Variants in DOCK1 observed in about 807,000 individuals in gnomAD.
The protein encoded by DOCK1 is dedicator of cytokinesis protein 1.
In DOCK1, 138 loss-of-function variants were observed where a neutral mutation model predicts 262.7. That is an observed-to-expected ratio of 0.53 (90% CI 0.46 to 0.61). The LOEUF is 0.61. DOCK1 is among the 20% of genes least tolerant of loss of function. The pLI is 0.00. For missense variants in DOCK1, 1,908 were observed against 2,370.7 expected, an observed-to-expected ratio of 0.80 and a Z score of 4.05; for synonymous variants, 866 against 867.4, an observed-to-expected ratio of 1.00 and a Z score of 0.03.
chr10:127,247,064 T>C (rs773321988), intron 27 of DOCK1, among the ~76,000 whole-genome samples: 3 of 152,154 alleles, frequency 2.0e-5, no homozygotes, highest in Non-Finnish European at 2.9e-5. Context: ...CAATTGCAGT[T>C]AATGGCAACA....
intron 1 of DOCK1, among the ~76,000 whole-genome samples, chr10:126,961,656 G>A (rs982549672): frequency 1.3e-5 from 2 of 152,244 alleles, no homozygotes; most frequent in East Asian, 1.9e-4. Flanking sequence ...AGGTTCACCC[G>A]TGTTGTAATG....
chr10:127,320,578 C>T (rs1212171106), intron 29 of DOCK1, among the ~76,000 whole-genome samples: 2 of 152,186 alleles, frequency 1.3e-5, no homozygotes, highest in Non-Finnish European at 2.9e-5. Context: ...GGGCTCAAGG[C>T]GGATGGAGTG....
chr10:126,929,597 G>A (rs2034030556), intron 1 of DOCK1, among the ~76,000 whole-genome samples: 2 of 152,026 alleles, frequency 1.3e-5, no homozygotes, highest in African/African-American at 2.4e-5. Flanking sequence ...CCTGAGGGAG[G>A]CGCTACCTGG....
intron 1 of DOCK1, among the ~76,000 whole-genome samples, chr10:126,953,612 G>T (rs953252709): frequency 6.6e-6 from 1 of 152,196 alleles, no homozygotes; most frequent in Admixed American, 6.5e-5. Context: ...CATCAGTGGA[G>T]CTCCCATTTT....
At chr10:126,963,656 T>TTCCC (rs1380259420) in intron 1 of DOCK1, among the ~76,000 whole-genome samples, 6 of 86,488 alleles carry the variant, frequency 6.9e-5, no homozygotes, top group South Asian at 1.1e-3. Context: ...CCTTCCTTCC[T>TTCCC]TCCTTCCTTC....
At chr10:127,060,470 G>A (rs541936218) in intron 22 of DOCK1, among the ~76,000 whole-genome samples, 3 of 152,262 alleles carry the variant, frequency 2.0e-5, no homozygotes, top group African/African-American at 7.2e-5. Context: ...ACTACCTCTA[G>A]GGTAATTAAT....
intron 1 of DOCK1, among the ~76,000 whole-genome samples, chr10:126,970,003 T>A (rs563650553): frequency 6.6e-6 from 1 of 152,262 alleles, no homozygotes; most frequent in Admixed American, 6.5e-5. Context: ...TATATTTTTT[T>A]AAATTGAGAG....
intron 21 of DOCK1, among the ~76,000 whole-genome samples, chr10:127,048,009 G>A (rs1241990775): frequency 1.3e-5 from 2 of 152,138 alleles, no homozygotes; most frequent in African/African-American, 4.8e-5. Context: ...GTTTGTTTTT[G>A]TTTCCCTTGG....
chr10:126,964,624 C>T (rs892682918), intron 1 of DOCK1, among the ~76,000 whole-genome samples: 36 of 152,326 alleles, frequency 2.4e-4, no homozygotes, highest in Admixed American at 8.5e-4. Flanking sequence ...AATTAATTAA[C>T]GTTTAAGTTG....
intron 23 of DOCK1, among the ~76,000 whole-genome samples, chr10:127,086,503 A>G (rs533203103): frequency 3.9e-5 from 6 of 152,362 alleles, no homozygotes; most frequent in African/African-American, 1.2e-4. Flanking sequence ...TGGCATGAAC[A>G]TAATTATTGG....
At chr10:127,371,013 A>G (rs1390910617) in intron 33 of DOCK1, among the ~76,000 whole-genome samples, 4 of 152,254 alleles carry the variant, frequency 2.6e-5, no homozygotes, top group Admixed American at 1.3e-4. Flanking sequence ...TCCCAGCCAT[A>G]GAGAACCTTG....
intron 1 of DOCK1, among the ~76,000 whole-genome samples, chr10:126,932,948 T>C (rs2034295370): frequency 6.6e-6 from 1 of 152,116 alleles, no homozygotes; most frequent in East Asian, 1.9e-4. Flanking sequence ...CTCGTATATG[T>C]GTCCTTCAGT....
intron 27 of DOCK1, among the ~76,000 whole-genome samples, chr10:127,229,532 A>T (rs910663129): frequency 6.6e-6 from 1 of 152,114 alleles, no homozygotes; most frequent in Non-Finnish European, 1.5e-5. Flanking sequence ...AATGCCCTCC[A>T]GGTCCATCTA....
At chr10:126,994,842 C>G (rs986562275) in intron 6 of DOCK1, among the ~76,000 whole-genome samples, 1 of 152,250 alleles carries the variant, frequency 6.6e-6, no homozygotes, top group Non-Finnish European at 1.5e-5. Context: ...CGTACACCTC[C>G]CAGACGGGGT....
chr10:127,316,894 A>G (rs12767480), intron 29 of DOCK1, among the ~76,000 whole-genome samples: 4 of 151,630 alleles, frequency 2.6e-5, no homozygotes, highest in Non-Finnish European at 2.9e-5. Flanking sequence ...AAGAACAAAC[A>G]CCCCCTCTCC....
At chr10:127,436,520 G>GA (rs1428732298) in intron 48 of DOCK1, among the ~76,000 whole-genome samples, 2 of 151,906 alleles carry the variant, frequency 1.3e-5, no homozygotes, top group Non-Finnish European at 2.9e-5. Flanking sequence ...CTCTGTTTCA[G>GA]AAAAAAAGAA....
At position 127,037,718 on chromosome 10, in the gene DOCK1, G is replaced by C; in HGVS notation, c.1913-1G>C. On this transcript the variant is annotated splice_acceptor_variant, in intron 18 of 51. Coordinates refer to ENST00000623213, the MANE Select transcript of DOCK1 (RefSeq NM_001290223.2). LOFTEE classifies it high-confidence loss of function. ...ATCTGATTGTCATTTTCTGTTTCCA[G>C]TGGACCTTCTGGGGCTCTTGAAATG... is the stretch of plus-strand genomic sequence containing the variant. 6.3e-7 allele frequency: 1 copy of C among 1,582,936 alleles called. No homozygotes were observed. The highest frequency in any genetic ancestry group is 8.6e-7 in the Non-Finnish European group (1 of 1,164,380).
At chr10:127,362,881 AT>A (rs2064599237) in intron 33 of DOCK1, among the ~76,000 whole-genome samples, 1 of 133,582 alleles carries the variant, frequency 7.5e-6, no homozygotes. Flanking sequence ...ACACATACAC[AT>A]CCCCACACAC....
intron 23 of DOCK1, among the ~76,000 whole-genome samples, chr10:127,073,665 A>G (rs762823366): frequency 9.9e-5 from 15 of 152,210 alleles, no homozygotes; most frequent in Non-Finnish European, 1.5e-4. Flanking sequence ...CTTTAAGGCA[A>G]TGTTAATCTT....
Sources: gnomAD v4.1 joint callset for allele counts (sites outside exome capture counted in the v4.1 genomes callset) on GRCh38, gnomAD v4.1.1 for gene constraint, MANE v1.5 for transcripts, NCBI Gene and HGNC (gene_info 2026-07-23, HGNC 2026-07-21) for gene names.